The following EPHB2 variants were observed in gnomAD, a reference collection of about 807,000 sequenced individuals.
EPHB2 encodes EPH receptor B2.
A neutral mutation model predicts 96.4 loss-of-function variants in EPHB2; 18 were observed. The ratio of observed to expected loss-of-function variants is 0.19; its 90% CI spans 0.13 to 0.28. The LOEUF (loss-of-function observed/expected upper bound fraction) is 0.28, where lower values mean the gene tolerates loss of function less well. EPHB2 is among the 10% of genes least tolerant of loss of function. The probability of loss-of-function intolerance (pLI) is 1.00; values close to 1 mark genes in which losing one functional copy is unlikely to be tolerated. For synonymous variants in EPHB2, 506 were observed against 534.1 expected, an observed-to-expected ratio of 0.95 and a Z score of 0.72; for missense variants, 989 against 1,355.4, an observed-to-expected ratio of 0.73 and a Z score of 4.25.
rs373502541 is a variant in EPHB2, at chr1:22,784,829, C to T, written c.564C>T (p.Ile188=). Residue 188 remains isoleucine, a synonymous_variant, in exon 3 of 16, where the codon ATC becomes ATT. Coordinates refer to ENST00000374630, the MANE Select transcript of EPHB2 (RefSeq NM_017449.5). The surrounding 1 kb of genome is among the most constrained non-coding windows in gnomAD (Gnocchi z 5.1). Reference sequence around the variant, plus strand: ...ACTATGGCGGCTGCATGTCCCTCATCGCCGTGCGTGTCTTCTACCGCAAGT... The same window carrying T: ...ACTATGGCGGCTGCATGTCCCTCATTGCCGTGCGTGTCTTCTACCGCAAGT... The part of the protein sequence containing the change: ...FQDYGGCMSL[I]AVRVFYRKCP... The T allele has an allele frequency of 4.4e-6, 7 of 1,603,362 alleles. No homozygotes were observed. The highest frequency in any genetic ancestry group is 1.7e-5 in the Admixed American group (1 of 59,616).
At chr1:22,714,712 A>G (rs1378480635) in intron 1 of EPHB2, among the ~76,000 whole-genome samples, 1 of 152,226 alleles carries the variant, frequency 6.6e-6, no homozygotes, top group African/African-American at 2.4e-5. Context: ...TGACGTTCAG[A>G]TGAGCCAGAT....
At position 22,914,259 on chromosome 1, in the gene EPHB2, CG is replaced by C; in HGVS notation, c.*693del. The C allele has an allele frequency of 5.5e-6, 1 of 180,446 alleles. No homozygotes were observed. The highest frequency in any genetic ancestry group is 1.2e-5 in the Non-Finnish European group (1 of 85,234). 11.2% of individuals were successfully genotyped at this position (180,446 alleles called of 1,614,324 possible). ...TTGTCCTCCTGGGTCAGGGAGAACG[CG>C]GGGACCCCAGAAAGGTCAGCCTTCC... On this transcript the variant is annotated 3_prime_UTR_variant, in exon 16 of 16. Coordinates refer to ENST00000374630, the MANE Select transcript of EPHB2 (RefSeq NM_017449.5).
intron 1 of EPHB2, among the ~76,000 whole-genome samples, chr1:22,729,881 G>C (rs893765979): frequency 1.3e-5 from 2 of 152,234 alleles, no homozygotes; most frequent in Non-Finnish European, 2.9e-5. Context: ...CCTAGTAAGT[G>C]CTCAACTGAT....
At position 22,915,589 on chromosome 1, in the gene EPHB2, T is replaced by A. The variant is rs1365220598; in HGVS notation, c.*2019T>A. On this transcript the variant is annotated 3_prime_UTR_variant, in exon 16 of 16. Coordinates refer to ENST00000374630, the MANE Select transcript of EPHB2 (RefSeq NM_017449.5). ...TGCCCTGGGAATCAGGGTGAGCCCC[T>A]GCAGGTACATAAGTAGCAGAGAATT... 3 of 152,214 alleles carry A rather than the reference T, an allele frequency of 2.0e-5. No homozygotes were observed. The highest frequency in any genetic ancestry group is 4.4e-5 in the Non-Finnish European group (3 of 68,066). 9.4% of individuals were successfully genotyped at this position (152,214 alleles called of 1,614,324 possible). A position where few individuals can be genotyped will look rare whatever the true frequency, so the allele number is the denominator to read the frequency against.
intron 7 of EPHB2, among the ~76,000 whole-genome samples, chr1:22,894,611 A>G (rs1639497399): frequency 6.6e-6 from 1 of 151,610 alleles, no homozygotes; most frequent in African/African-American, 2.4e-5. Flanking sequence ...AAAAAAAAAA[A>G]GAAGTAAAAA....
intron 1 of EPHB2, among the ~76,000 whole-genome samples, chr1:22,758,734 G>A (rs72653663): frequency 0.11 from 16,494 of 151,754 alleles, 1,209 homozygotes; most frequent in Non-Finnish European, 0.15. Context: ...GGGCAAGCTG[G>A]ACCTCTCTCT....
chr1:22,740,329 G>A (rs1284982000), intron 1 of EPHB2, among the ~76,000 whole-genome samples: 1 of 152,138 alleles, frequency 6.6e-6, no homozygotes, highest in Non-Finnish European at 1.5e-5. Context: ...TTTTGGGTGG[G>A]ACAATTCTTC....
At chr1:22,806,403 C>T (rs563767541) in intron 3 of EPHB2, among the ~76,000 whole-genome samples, 17 of 152,272 alleles carry the variant, frequency 1.1e-4, no homozygotes, top group African/African-American at 3.6e-4. Context: ...TCTGTGCCCC[C>T]GGCTCTGAGC....
intron 4 of EPHB2, 131 bp from the exon 5 acceptor site, chr1:22,864,745 TG>T: frequency 1.6e-6 from 1 of 619,996 alleles, no homozygotes; most frequent in Non-Finnish European, 2.9e-6. Flanking sequence ...ATTTCTCTGG[TG>T]GGGAGACAGG....
At chr1:22,726,928 A>C (rs562359480) in intron 1 of EPHB2, among the ~76,000 whole-genome samples, 1 of 152,324 alleles carries the variant, frequency 6.6e-6, no homozygotes, top group South Asian at 2.1e-4. Context: ...AAAGAAGGGC[A>C]TTCTTAGCAG....
At chr1:22,854,907 A>G (rs1645677095) in intron 3 of EPHB2, among the ~76,000 whole-genome samples, 2 of 152,144 alleles carry the variant, frequency 1.3e-5, no homozygotes, top group African/African-American at 4.8e-5. Context: ...GCCACTTTGC[A>G]TGAGGCAGAC....
chr1:22,785,545 C>G (rs1428634498), intron 3 of EPHB2, among the ~76,000 whole-genome samples: 1 of 152,236 alleles, frequency 6.6e-6, no homozygotes, highest in Non-Finnish European at 1.5e-5. Context: ...CCTTAATGCT[C>G]CATGTCCATT....
chr1:22,882,706 G>T (rs1639090650), intron 6 of EPHB2: 2 of 542,960 alleles, frequency 3.7e-6, no homozygotes, highest in Admixed American at 6.3e-5. Context: ...CACTTTTCTG[G>T]TCTGGAGGAT....
intron 3 of EPHB2, among the ~76,000 whole-genome samples, chr1:22,833,680 AAGG>A (rs1645339704): frequency 6.6e-6 from 1 of 152,360 alleles, no homozygotes; most frequent in Non-Finnish European, 1.5e-5. Context: ...AGAATTAAGA[AAGG>A]AGAAAAAAGT....
At chr1:22,896,334 C>T (rs1385603581) in intron 8 of EPHB2, 80 bp from the exon 9 acceptor site, 12 of 1,593,834 alleles carry the variant, frequency 7.5e-6, no homozygotes, top group African/African-American at 2.7e-5. Flanking sequence ...GCCTGCCCAC[C>T]CTCTCCCTAT....
At chr1:22,791,144 T>C (rs1195487795) in intron 3 of EPHB2, among the ~76,000 whole-genome samples, 1 of 152,170 alleles carries the variant, frequency 6.6e-6, no homozygotes, top group African/African-American at 2.4e-5. Context: ...AAAAATAAGA[T>C]TAAGGACTTT....
rs1404546257 is a variant in EPHB2 at position 22,797,458 on chromosome 1, C to G, written c.811+12382C>G. The stretch of plus-strand genomic sequence containing the variant: ...CGCTCTGAGCCCTTTGTGGCTAGTT[C>G]CTGTTCATCTCCCGACCTCTCCACC... On this transcript the variant is annotated intron_variant, in intron 3 of 15. Coordinates refer to ENST00000374630, the MANE Select transcript of EPHB2 (RefSeq NM_017449.5). Among the ~76,000 whole-genome samples the G allele has an allele frequency of 2.0e-5, 3 of 152,114 alleles. No individual in the cohort carries two copies. The East Asian group carries it at 5.8e-4, about 29-fold the overall frequency.
At chr1:22,761,080 T>A (rs35203503) in intron 1 of EPHB2, among the ~76,000 whole-genome samples, 1 of 151,840 alleles carries the variant, frequency 6.6e-6, no homozygotes, top group Non-Finnish European at 1.5e-5. Context: ...CCTGGGAGGC[T>A]TGTGGAAAAT....
chr1:22,809,264 G>A (rs1444629797), intron 3 of EPHB2, among the ~76,000 whole-genome samples: 1 of 152,174 alleles, frequency 6.6e-6, no homozygotes, highest in Non-Finnish European at 1.5e-5. Context: ...CTGCTCCCCG[G>A]CAATTGGCAG....
Sources: gnomAD v4.1 joint callset for allele counts (sites outside exome capture counted in the v4.1 genomes callset) on GRCh38, gnomAD v4.1.1 for gene constraint, Gnocchi (gnomAD v3.1) non-coding constraint, MANE v1.5 for transcripts, NCBI Gene and HGNC (gene_info 2026-07-23, HGNC 2026-07-21) for gene names.